MAGI2: variants seen among roughly 807,000 people sequenced by gnomAD.
MAGI2 encodes membrane associated guanylate kinase, WW and PDZ domain containing 2.
A neutral mutation model predicts 133.3 loss-of-function variants in MAGI2; 35 were observed. The observed-to-expected ratio is 0.26, with a 90% confidence interval of 0.20 to 0.35. MAGI2 has a LOEUF of 0.35. Ranked by LOEUF, MAGI2 falls within the 10% of genes least tolerant of loss-of-function variation. The probability of loss-of-function intolerance (pLI) is 1.00; values close to 1 mark genes in which losing one functional copy is unlikely to be tolerated. For synonymous variants in MAGI2, 729 were observed against 710.6 expected, an observed-to-expected ratio of 1.03 and a Z score of -0.41; for missense variants, 1,636 against 1,863.4, an observed-to-expected ratio of 0.88 and a Z score of 2.25.
chr7:79,352,129 T>C (rs982313032), intron 1 of MAGI2, among the ~76,000 whole-genome samples: 2 of 152,122 alleles, frequency 1.3e-5, no homozygotes, highest in Non-Finnish European at 2.9e-5. Flanking sequence ...CGTTATCTTT[T>C]GAGCAAAAAA....
rs1322223917 is a variant in MAGI2 at position 79,232,736 on chromosome 7, A to G, written c.301+220284T>C. Among the ~76,000 whole-genome samples, 3 of 127,330 alleles carry G rather than the reference A, an allele frequency of 2.4e-5. No individual in the cohort carries two copies. In the East Asian group the frequency reaches 6.8e-4, roughly 29 times the overall value. 83.5% of individuals were successfully genotyped at this position (127,330 alleles called of 152,430 possible). On this transcript the variant is annotated intron_variant, in intron 1 of 21. Transcript: ENST00000354212. ...TCTATCAATTTTGTTGATCCTTTCA[A>G]AAAACCAGCTCCTGGATTCATTAAT...
chr7:79,264,984 T>C (rs999025675), intron 1 of MAGI2, among the ~76,000 whole-genome samples: 6 of 152,098 alleles, frequency 3.9e-5, no homozygotes, highest in African/African-American at 1.4e-4. Flanking sequence ...CCATGAGGAA[T>C]TTACCCCCAT....
intron 1 of MAGI2, among the ~76,000 whole-genome samples, chr7:79,238,829 C>T (rs535285279): frequency 2.5e-4 from 38 of 151,942 alleles, no homozygotes; most frequent in Admixed American, 5.2e-4. Flanking sequence ...TAAGGTATTA[C>T]TAATATTATT....
intron 2 of MAGI2, among the ~76,000 whole-genome samples, chr7:78,694,927 C>A (rs9969351): frequency 0.079 from 12,034 of 152,132 alleles, 1,018 homozygotes; most frequent in African/African-American, 0.2. Context: ...ATACTGGTTT[C>A]CTTATAAAGT....
intron 2 of MAGI2, among the ~76,000 whole-genome samples, chr7:78,761,332 C>A (rs906373121): frequency 2.0e-5 from 3 of 152,206 alleles, no homozygotes; most frequent in Non-Finnish European, 2.9e-5. Flanking sequence ...CATAATTTGT[C>A]TCTGAGTTAT....
At chr7:78,466,204 C>T (rs1047056207) in intron 6 of MAGI2, among the ~76,000 whole-genome samples, 1 of 152,200 alleles carries the variant, frequency 6.6e-6, no homozygotes, top group African/African-American at 2.4e-5. Flanking sequence ...TATTGAGCCC[C>T]TTTTCCGATC....
chr7:78,084,480 C>A (rs1313470932), intron 20 of MAGI2, among the ~76,000 whole-genome samples: 2 of 97,318 alleles, frequency 2.1e-5, no homozygotes, highest in Non-Finnish European at 4.6e-5. Flanking sequence ...ATTTGCATGC[C>A]GTGTAAGTTA....
intron 1 of MAGI2, among the ~76,000 whole-genome samples, chr7:79,404,154 C>T (rs962731641): frequency 2.7e-4 from 41 of 152,248 alleles, no homozygotes; most frequent in African/African-American, 9.4e-4. Flanking sequence ...GATACAGCAA[C>T]CATGCGTTTC....
At chr7:79,193,954 C>CT (rs1015741986) in intron 1 of MAGI2, among the ~76,000 whole-genome samples, 1 of 151,290 alleles carries the variant, frequency 6.6e-6, no homozygotes, top group Non-Finnish European at 1.5e-5. Flanking sequence ...CATAGAAAAT[C>CT]TTTTTTTGTT....
chr7:78,275,003 A>C (rs960409108), intron 9 of MAGI2, among the ~76,000 whole-genome samples: 6 of 149,908 alleles, frequency 4.0e-5, no homozygotes, highest in Non-Finnish European at 7.4e-5. Flanking sequence ...GAAAAAAAAA[A>C]CTCCTGCAGC....
intron 16 of MAGI2, among the ~76,000 whole-genome samples, chr7:78,136,532 A>G (rs1057104234): frequency 6.6e-6 from 1 of 152,162 alleles, no homozygotes; most frequent in Admixed American, 6.5e-5. Flanking sequence ...TACCAAGATA[A>G]CTATTTATGG....
chr7:79,128,388 A>T (rs1820622114), intron 1 of MAGI2, among the ~76,000 whole-genome samples: 1 of 152,276 alleles, frequency 6.6e-6, no homozygotes, highest in South Asian at 2.1e-4. Context: ...TTGCCACAAG[A>T]TATACTGCTT....
chr7:78,788,417 C>T (rs145238605), intron 2 of MAGI2, among the ~76,000 whole-genome samples: 195 of 152,150 alleles, frequency 1.3e-3, no homozygotes, highest in African/African-American at 4.6e-3. Context: ...CCAACATTTC[C>T]ATTTTATTTG....
At chr7:78,434,627 C>CT (rs1800108429) in intron 6 of MAGI2, among the ~76,000 whole-genome samples, 1 of 152,058 alleles carries the variant, frequency 6.6e-6, no homozygotes, top group Non-Finnish European at 1.5e-5. Context: ...CTATATTATC[C>CT]TTTTACCCTC....
rs1366382684 is a variant in MAGI2 at position 79,399,629 on chromosome 7, T to A, written c.301+53391A>T. The stretch of plus-strand genomic sequence containing the variant: ...AGCCTATCAGCAGAGGTTTTCCCAA[T>A]GTATCTTTTGGGAATTTGTAGATTA... On this transcript the variant is annotated intron_variant, in intron 1 of 21. Transcript: ENST00000354212. 1.3e-5 allele frequency among the ~76,000 whole-genome samples: 2 copies of A among 152,162 alleles called. 1 individual carries two copies. The highest frequency in any genetic ancestry group is 2.9e-5 in the Non-Finnish European group (2 of 68,020).
chr7:79,057,996 T>TA (rs2117043640), intron 1 of MAGI2, among the ~76,000 whole-genome samples: 1 of 149,866 alleles, frequency 6.7e-6, no homozygotes, highest in East Asian at 1.9e-4. Context: ...CTTCATCAAA[T>TA]ATAAACAGGA....
At chr7:79,117,288 A>G (rs1819490581) in intron 1 of MAGI2, among the ~76,000 whole-genome samples, 1 of 152,188 alleles carries the variant, frequency 6.6e-6, no homozygotes, top group African/African-American at 2.4e-5. Flanking sequence ...ACATGAAGCT[A>G]AAGATTAGAG....
chr7:78,565,189 C>T (rs1021206714), intron 3 of MAGI2, among the ~76,000 whole-genome samples: 7 of 151,864 alleles, frequency 4.6e-5, no homozygotes, highest in African/African-American at 1.5e-4. Flanking sequence ...GCACCAGGCA[C>T]GGTGGCTTGC....
chr7:78,192,563 A>G (rs1207965925), intron 12 of MAGI2, among the ~76,000 whole-genome samples: 1 of 149,942 alleles, frequency 6.7e-6, no homozygotes, highest in Non-Finnish European at 1.5e-5. Context: ...ATCCACAAGC[A>G]GAGCGAACTG....
Sources: gnomAD v4.1 joint callset for allele counts (sites outside exome capture counted in the v4.1 genomes callset) on GRCh38, gnomAD v4.1.1 for gene constraint, MANE v1.5 for transcripts, NCBI Gene and HGNC (gene_info 2026-07-23, HGNC 2026-07-21) for gene names.